MEMO1: variants seen among roughly 807,000 people sequenced by gnomAD.
MEMO1 encodes protein MEMO1.
MEMO1 carries 6 observed loss-of-function variants against 45.2 expected under a neutral mutation model. The ratio of observed to expected loss-of-function variants is 0.13; its 90% CI spans 0.07 to 0.26. The LOEUF (loss-of-function observed/expected upper bound fraction) is 0.26, where lower values mean the gene tolerates loss of function less well. MEMO1 is among the 10% of genes least tolerant of loss of function. The pLI, the probability that MEMO1 is intolerant of heterozygous loss-of-function variation, is 1.00. For missense variants in MEMO1, 184 were observed against 370.5 expected, an observed-to-expected ratio of 0.50 and a Z score of 4.13; for synonymous variants, 78 against 124.3, an observed-to-expected ratio of 0.63 and a Z score of 2.48.
At chr2:31,911,151 T>C (rs1680509643) in intron 6 of MEMO1, among the ~76,000 whole-genome samples, 1 of 152,140 alleles carries the variant, frequency 6.6e-6, no homozygotes, top group African/African-American at 2.4e-5. Flanking sequence ...AAGCAAACTA[T>C]GGTACATCCA....
At chr2:32,007,104 C>A (rs1162007301) in intron 2 of MEMO1, among the ~76,000 whole-genome samples, 1 of 152,078 alleles carries the variant, frequency 6.6e-6, no homozygotes, top group Non-Finnish European at 1.5e-5. Flanking sequence ...AAGTCCAGTC[C>A]CAATGATGCC....
chr2:31,998,999 A>T (rs760197267), intron 2 of MEMO1, among the ~76,000 whole-genome samples: 1 of 152,204 alleles, frequency 6.6e-6, no homozygotes, highest in Non-Finnish European at 1.5e-5. Flanking sequence ...ATCTCAGTAT[A>T]ATAGCAACTC....
At chr2:32,007,608 G>A (rs555359302) in intron 2 of MEMO1, among the ~76,000 whole-genome samples, 2 of 152,108 alleles carry the variant, frequency 1.3e-5, no homozygotes, top group South Asian at 2.1e-4. Flanking sequence ...TATTTATGTC[G>A]GTAATTAAAC....
Position 31,900,167 on chromosome 2 carries a change from A to T in MEMO1, c.438-8033T>A, listed in dbSNP as rs570557118. Among the ~76,000 whole-genome samples, 4 of 152,354 alleles carry T rather than the reference A, an allele frequency of 2.6e-5. No individual in the cohort carries two copies. The East Asian group carries it at 7.7e-4, about 29-fold the overall frequency. On this transcript the variant is annotated intron_variant, in intron 6 of 9. Coordinates refer to ENST00000404530, the MANE Select transcript of MEMO1 (RefSeq NM_001301833.4). ...ACTAGAAATACCATTTGACCCAGCA[A>T]TCCCATTACTGGGTATATACCCAAA...
At chr2:32,004,429 A>C (rs1442954563) in intron 2 of MEMO1, among the ~76,000 whole-genome samples, 1 of 152,148 alleles carries the variant, frequency 6.6e-6, no homozygotes. Context: ...AAAATGCTCA[A>C]CTTCATTAAG....
intron 2 of MEMO1, among the ~76,000 whole-genome samples, chr2:31,947,852 G>A (rs1285023629): frequency 6.6e-6 from 1 of 152,066 alleles, no homozygotes; most frequent in East Asian, 1.9e-4. Context: ...GAATTCCCTT[G>A]CAACTATTAA....
intron 4 of MEMO1, among the ~76,000 whole-genome samples, chr2:31,927,011 TA>T (rs1372797204): frequency 2.6e-5 from 4 of 152,038 alleles, no homozygotes; most frequent in Non-Finnish European, 5.9e-5. Flanking sequence ...ATTCAAACTG[TA>T]AAACAGACAA....
intron 6 of MEMO1, among the ~76,000 whole-genome samples, chr2:31,897,492 T>C (rs994502030): frequency 1.3e-5 from 2 of 152,272 alleles, no homozygotes; most frequent in Non-Finnish European, 1.5e-5. Flanking sequence ...TTTTTGTCAT[T>C]GGTTCTATTT....
At chr2:31,969,194 A>G (rs1339381611) in intron 2 of MEMO1, among the ~76,000 whole-genome samples, 1 of 151,726 alleles carries the variant, frequency 6.6e-6, no homozygotes, top group African/African-American at 2.4e-5. Flanking sequence ...CAGGATTCCT[A>G]ATCTCCAATA....
intron 6 of MEMO1, among the ~76,000 whole-genome samples, chr2:31,897,408 TG>T (rs1326008651): frequency 2.0e-5 from 3 of 152,202 alleles, no homozygotes; most frequent in Non-Finnish European, 4.4e-5. Context: ...TCTAGTTTAT[TG>T]AGAGATTTTA....
At chr2:31,890,162 T>C (rs1676754714) in intron 7 of MEMO1, among the ~76,000 whole-genome samples, 1 of 152,148 alleles carries the variant, frequency 6.6e-6, no homozygotes, top group Non-Finnish European at 1.5e-5. Context: ...AAAAGAGCAA[T>C]ATTGAAATGT....
rs796263685 is a variant in MEMO1 at position 31,999,388 on chromosome 2, C to T, written c.61+10799G>A. Among the ~76,000 whole-genome samples the T allele has an allele frequency of 6.6e-5, 10 of 152,232 alleles. 1 individual carries two copies. Among genetic ancestry groups the T allele is most frequent in the African/African-American group, 2.4e-4 (10 of 41,534 alleles). On this transcript the variant is annotated intron_variant, in intron 2 of 9. Coordinates refer to ENST00000404530, the MANE Select transcript of MEMO1 (RefSeq NM_001301833.4). ...AAGTAAAAGTCCTTTCTAGACTAGG[C>T]ACAGTGGCTCATACCTGTAATCCCA...
chr2:32,006,172 A>G (rs1274044503), intron 2 of MEMO1, among the ~76,000 whole-genome samples: 1 of 152,248 alleles, frequency 6.6e-6, no homozygotes, highest in Non-Finnish European at 1.5e-5. Context: ...ACCTTAACCA[A>G]GAGGCAAGAT....
chr2:31,868,549 A>G, intron 9 of MEMO1, 57 bp from the exon 10 acceptor site: 3 of 1,487,534 alleles, frequency 2.0e-6, no homozygotes, highest in Non-Finnish European at 2.7e-6. Context: ...TGGGCACTCA[A>G]TGTGTTTGCG....
At chr2:31,939,877 C>T (rs891278982) in intron 3 of MEMO1, among the ~76,000 whole-genome samples, 2 of 152,080 alleles carry the variant, frequency 1.3e-5, no homozygotes, top group African/African-American at 2.4e-5. Context: ...ACGTCTTCAT[C>T]GCCCTCACCT....
At chr2:31,990,580 T>C (rs963021027) in intron 2 of MEMO1, among the ~76,000 whole-genome samples, 5 of 150,706 alleles carry the variant, frequency 3.3e-5, no homozygotes, top group African/African-American at 1.2e-4. Flanking sequence ...TCTTTTTTTT[T>C]TTTTTTTTTG....
intron 2 of MEMO1, among the ~76,000 whole-genome samples, chr2:31,953,436 A>C (rs1667065997): frequency 6.7e-6 from 1 of 149,156 alleles, no homozygotes; most frequent in South Asian, 2.1e-4. Context: ...TATGTAAATC[A>C]GTACGAACTT....
chr2:31,926,739 C>A (rs377459541), intron 4 of MEMO1, among the ~76,000 whole-genome samples: 1 of 151,716 alleles, frequency 6.6e-6, no homozygotes, highest in African/African-American at 2.4e-5. Context: ...CCTACCTACT[C>A]GGGAGACCGA....
intron 6 of MEMO1, among the ~76,000 whole-genome samples, chr2:31,907,956 C>G (rs1680013264): frequency 6.6e-6 from 1 of 152,150 alleles, no homozygotes; most frequent in Non-Finnish European, 1.5e-5. Flanking sequence ...TTAAGAGAGA[C>G]ATCAGAAAAG....
Sources: allele counts gnomAD v4.1 joint callset (sites outside exome capture counted in the v4.1 genomes callset), GRCh38; gene constraint gnomAD v4.1.1; transcripts MANE v1.5; gene names NCBI Gene and HGNC (gene_info 2026-07-23, HGNC 2026-07-21).